Variants in MCF2L observed in about 807,000 individuals in gnomAD.
MCF2L encodes guanine nucleotide exchange factor DBS.
MCF2L carries 97 observed loss-of-function variants against 153.4 expected under a neutral mutation model. That is an observed-to-expected ratio of 0.63 (90% CI 0.54 to 0.75). MCF2L has a LOEUF of 0.75. Among genes scored for constraint, MCF2L ranks in the 30% least tolerant of loss-of-function variants. MCF2L has a pLI of 0.00. For synonymous variants in MCF2L, 659 were observed against 632.2 expected (o/e 1.04, Z -0.64); for missense variants, 1,347 against 1,495.2 (o/e 0.90, Z 1.64).
intron 1 of MCF2L, among the ~76,000 whole-genome samples, chr13:112,900,807 C>T (rs1397877865): frequency 1.3e-5 from 2 of 152,206 alleles, no homozygotes; most frequent in African/African-American, 4.8e-5. Context: ...TCGGGACGGG[C>T]CTGCTCTCCA....
chr13:112,959,985 T>C (rs954893160), intron 2 of MCF2L, among the ~76,000 whole-genome samples: 20 of 152,218 alleles, frequency 1.3e-4, no homozygotes, highest in African/African-American at 4.6e-4. Context: ...GGGAGAGCCC[T>C]CTCTCTGTTC....
chr13:113,069,774 A>T (rs900045928), intron 8 of MCF2L, among the ~76,000 whole-genome samples: 10 of 152,236 alleles, frequency 6.6e-5, no homozygotes, highest in Non-Finnish European at 1.5e-4. Context: ...AATAAAAATG[A>T]ACAAACTCGG....
intron 2 of MCF2L, among the ~76,000 whole-genome samples, chr13:112,945,760 C>G (rs755509584): frequency 2.6e-5 from 4 of 152,228 alleles, no homozygotes; most frequent in African/African-American, 4.8e-5. Context: ...CTGGCACAGT[C>G]TGTACCTTCA....
intron 1 of MCF2L, chr13:112,979,359 C>A (rs566409580): frequency 1.1e-4 from 140 of 1,313,690 alleles, no homozygotes; most frequent in Non-Finnish European, 1.2e-4. Context: ...TTCTCTAGCA[C>A]CTCGGCATTG....
intron 2 of MCF2L, among the ~76,000 whole-genome samples, chr13:112,908,837 T>C (rs1028051418): frequency 6.6e-6 from 1 of 151,686 alleles, no homozygotes; most frequent in African/African-American, 2.4e-5. Context: ...GCCATTCTCC[T>C]GCCTCAGCCT....
intron 3 of MCF2L, among the ~76,000 whole-genome samples, chr13:113,029,576 G>A (rs1225385253): frequency 6.6e-6 from 1 of 152,226 alleles, no homozygotes; most frequent in Non-Finnish European, 1.5e-5. Context: ...GTGACAAGGA[G>A]GAGACCTGCC....
Position 113,014,793 on chromosome 13 carries a change from T to A in MCF2L, c.110T>A (p.Leu37His), listed in dbSNP as rs757973919. The change falls in exon 2 of 30, where the codon CTC (leucine) becomes CAC (histidine). Residue 37 changes from leucine (L) to histidine (H), a missense_variant. By Grantham distance (99) the Leu-to-His change is moderately conservative. Transcript: ENST00000535094. ...DEIMHQDIVP[L>H]CAADIQDQLK... Reference sequence around the variant, plus strand: ...ATCATGCACCAGGACATCGTCCCGCTCTGTGCTGCCGACATCCAGGACCAG... The same window carrying A: ...ATCATGCACCAGGACATCGTCCCGCACTGTGCTGCCGACATCCAGGACCAG... 1.5e-5 allele frequency: 25 copies of A among 1,614,072 alleles called. No homozygotes were observed. In the South Asian group the frequency reaches 2.7e-4, roughly 18 times the overall value.
At chr13:113,033,344 TTA>T (rs2085897705) in intron 3 of MCF2L, among the ~76,000 whole-genome samples, 1 of 111,910 alleles carries the variant, frequency 8.9e-6, no homozygotes, top group African/African-American at 3.8e-5. Flanking sequence ...CCCCGTGACA[TTA>T]GTGGACCCCG....
At chr13:113,066,529 A>T (rs1173655148) in intron 8 of MCF2L, among the ~76,000 whole-genome samples, 2 of 152,180 alleles carry the variant, frequency 1.3e-5, no homozygotes, top group South Asian at 4.1e-4. Context: ...ACAGGGAGAA[A>T]GCCTGGGGTT....
chr13:113,012,770 C>T (rs2084247424), intron 1 of MCF2L, among the ~76,000 whole-genome samples: 7 of 115,436 alleles, frequency 6.1e-5, no homozygotes, highest in Admixed American at 4.9e-4. Flanking sequence ...GGTGGACAGG[C>T]GGTGTGGACG....
chr13:113,057,071 CTGAG>C (rs1315492066), intron 4 of MCF2L, among the ~76,000 whole-genome samples: 5 of 128,116 alleles, frequency 3.9e-5, no homozygotes, highest in African/African-American at 1.2e-4. Context: ...TGTTTGGGTG[CTGAG>C]TGTTTTGGTG....
At position 112,984,375 on chromosome 13, in the gene MCF2L, C is replaced by T. The variant is rs551072556; in HGVS notation, c.79+14917C>T. ...TCAGCCTCCCGAGTAGCTGGAATTA[C>T]GGGTATGTGCCACCGCACCTGGCTA... On this transcript the variant is annotated intron_variant, in intron 1 of 29. Transcript: ENST00000535094. 5.3e-4 allele frequency among the ~76,000 whole-genome samples: 80 copies of T among 152,134 alleles called. No individual in the cohort carries two copies. The South Asian group carries it at 9.8e-3, about 19-fold the overall frequency.
At chr13:112,980,780 G>A (rs2082390439) in intron 1 of MCF2L, among the ~76,000 whole-genome samples, 1 of 150,940 alleles carries the variant, frequency 6.6e-6, no homozygotes, top group Admixed American at 6.6e-5. Context: ...ACAGATCCCA[G>A]CCTCCCTCCG....
intron 2 of MCF2L, among the ~76,000 whole-genome samples, chr13:112,928,302 A>T (rs72661915): frequency 0.024 from 3,588 of 152,332 alleles, 58 homozygotes; most frequent in Middle Eastern, 0.037. Flanking sequence ...ATTTAAAGAA[A>T]ACTTTTTATA....
intron 17 of MCF2L, among the ~76,000 whole-genome samples, chr13:113,083,156 G>A (rs2034312034): frequency 6.6e-6 from 1 of 152,178 alleles, no homozygotes; most frequent in Non-Finnish European, 1.5e-5. Flanking sequence ...GGGTGCACAC[G>A]CAGTGCAGAA....
At chr13:112,968,992 G>T (rs1042973168), upstream of MCF2L, among the ~76,000 whole-genome samples, 3 of 151,506 alleles carry the variant, frequency 2.0e-5, no homozygotes, top group Non-Finnish European at 4.4e-5. Flanking sequence ...TGACCGCGGC[G>T]GTGACCCGCG....
intron 3 of MCF2L, chr13:113,044,560 G>A: frequency 1.3e-6 from 2 of 1,483,630 alleles, no homozygotes; most frequent in Non-Finnish European, 1.8e-6. Flanking sequence ...GCTTTGGATT[G>A]GCTGGTGGTA....
chr13:113,001,082 C>T (rs1056036452), intron 1 of MCF2L, among the ~76,000 whole-genome samples: 4 of 152,174 alleles, frequency 2.6e-5, no homozygotes, highest in Admixed American at 1.3e-4. Context: ...TGAGTTTGAA[C>T]GAGCTCTCTG....
At position 112,932,800 on chromosome 13, in the gene MCF2L, G is replaced by T. The variant is rs533922002; in HGVS notation, c.169+30429G>T. Among the ~76,000 whole-genome samples the T allele has an allele frequency of 6.6e-6, 1 of 152,172 alleles. No homozygotes were observed. Among genetic ancestry groups the T allele is most frequent in the South Asian group, 2.1e-4 (1 of 4,834 alleles). ...AATCCCAGCACTTTGGGAGGTCAACGCGGGTGGATCATCTGAGGTCAGGAG... is the reference window on the plus strand; with the variant it reads ...AATCCCAGCACTTTGGGAGGTCAACTCGGGTGGATCATCTGAGGTCAGGAG... On this transcript the variant is annotated intron_variant, in intron 2 of 29. Transcript: ENST00000375608. This position sits in a 1 kb window ranked among gnomAD's most constrained non-coding sequence, Gnocchi z 4.6.
Sources: allele counts gnomAD v4.1 joint callset (sites outside exome capture counted in the v4.1 genomes callset), GRCh38; gene constraint gnomAD v4.1.1; non-coding constraint Gnocchi (gnomAD v3.1); transcripts MANE v1.5; gene names NCBI Gene and HGNC (gene_info 2026-07-23, HGNC 2026-07-21).